STAMBP: variants seen among roughly 807,000 people sequenced by gnomAD.
STAMBP encodes STAM binding protein.
In STAMBP, 31 loss-of-function variants were observed where a neutral mutation model predicts 50.7. The ratio of observed to expected loss-of-function variants is 0.61; its 90% CI spans 0.46 to 0.83. The LOEUF is 0.83. Ranked by LOEUF, STAMBP falls within the 40% of genes least tolerant of loss-of-function variation. The pLI is 0.00. For missense variants in STAMBP, 472 were observed against 518.9 expected (o/e 0.91, Z 0.88); for synonymous variants, 211 against 192.4 (o/e 1.10, Z -0.80).
rs1377842339 is a variant in STAMBP, at chr2:73,829,094, C to G, written c.-429C>G. 1 of 152,306 alleles carries G rather than the reference C, an allele frequency of 6.6e-6. No individual in the cohort carries two copies. Among genetic ancestry groups the G allele is most frequent in the African/African-American group, 2.4e-5 (1 of 41,460 alleles). The allele number at this position is 152,306 out of a possible 1,614,324, so 9.4% of individuals were successfully genotyped here. A position where few individuals can be genotyped will look rare whatever the true frequency, so the allele number is the denominator to read the frequency against. ...CCGTGAGTGTGGGGCCTGCAGCCTA[C>G]TCTCCCCGAGTCCCCTGCCCGGCCT... On this transcript the variant is annotated 5_prime_UTR_variant, in exon 1 of 10. Transcript: ENST00000394070.
At chr2:73,849,759 C>T (rs555064356) in intron 6 of STAMBP, among the ~76,000 whole-genome samples, 10 of 152,204 alleles carry the variant, frequency 6.6e-5, no homozygotes, top group African/African-American at 2.4e-4. Context: ...TTTTTTGGTA[C>T]CTACTTTATG....
Position 73,845,243 on chromosome 2 carries a change from C to A in STAMBP, c.356C>A (p.Thr119Lys). The change falls in exon 4 of 10, where the codon ACA (threonine) becomes AAA (lysine). Residue 119 changes from threonine to lysine, a missense_variant. Physicochemically the swap from Thr to Lys is moderately conservative, Grantham distance 78. Transcript: ENST00000394070. ...TTAAAACGATATACCAAAGAATATACAGAATATAATGAAGAAAAGGTCAGT... is the reference window on the plus strand; with the variant it reads ...TTAAAACGATATACCAAAGAATATAAAGAATATAATGAAGAAAAGGTCAGT... ...ELLKRYTKEY[T>K]EYNEEKKKEA... is the part of the protein sequence containing the mutation. 1.9e-6 allele frequency: 3 copies of A among 1,613,150 alleles called. No individual in the cohort carries two copies. Among genetic ancestry groups the A allele is most frequent in the Non-Finnish European group, 2.5e-6 (3 of 1,179,246 alleles).
At chr2:73,847,032 T>C (rs1179274525) in intron 4 of STAMBP, among the ~76,000 whole-genome samples, 9 of 148,098 alleles carry the variant, frequency 6.1e-5, no homozygotes, top group African/African-American at 2.3e-4. Context: ...CAGTGAGCTG[T>C]GATCATGCCA....
chr2:73,843,479 G>C (rs1310219802), intron 2 of STAMBP, among the ~76,000 whole-genome samples: 5 of 150,178 alleles, frequency 3.3e-5, no homozygotes, highest in African/African-American at 1.2e-4. Flanking sequence ...CTGTTACCCA[G>C]GCTGGTCTTG....
chr2:73,850,283 G>A lies in STAMBP; in HGVS notation c.868-93G>A, dbSNP rs955710167. On this transcript the variant is annotated intron_variant, in intron 6 of 9. Transcript: ENST00000394070. This position sits in a 1 kb window ranked among gnomAD's most constrained non-coding sequence, Gnocchi z 4.3. ...TGCTGTGTGGGAAGGGCTTTCACTT[G>A]TATAGATGCTTACCTTTCCACTGTC... The A allele has an allele frequency of 5.4e-6, 8 of 1,493,188 alleles. No individual in the cohort carries two copies. The highest frequency in any genetic ancestry group is 7.2e-6 in the Non-Finnish European group (8 of 1,112,676). 92.5% of individuals were successfully genotyped at this position (1,493,188 alleles called of 1,614,324 possible). A position where few individuals can be genotyped will look rare whatever the true frequency, so the allele number is the denominator to read the frequency against.
At chr2:73,845,450 A>C (rs1297127793) in intron 4 of STAMBP, among the ~76,000 whole-genome samples, 188 bp downstream of exon 4, 1 of 152,180 alleles carries the variant, frequency 6.6e-6, no homozygotes, top group East Asian at 1.9e-4. Context: ...GATATAGCCT[A>C]TTTGTCGAAG....
downstream of STAMBP, among the ~76,000 whole-genome samples, chr2:73,868,720 C>T (rs969518199): frequency 1.3e-5 from 2 of 151,594 alleles, no homozygotes; most frequent in African/African-American, 4.9e-5. Context: ...CCTGTCTCTA[C>T]AAAAAACTAG....
intron 2 of STAMBP, among the ~76,000 whole-genome samples, chr2:73,840,985 C>A (rs566872735): frequency 6.6e-6 from 1 of 151,992 alleles, no homozygotes; most frequent in African/African-American, 2.4e-5. Context: ...TTTGCCAATC[C>A]GATGGATGAA....
At chr2:73,841,533 A>G (rs954493726) in intron 2 of STAMBP, among the ~76,000 whole-genome samples, 1 of 152,198 alleles carries the variant, frequency 6.6e-6, no homozygotes, top group African/African-American at 2.4e-5. Flanking sequence ...GCCATGTCCA[A>G]CCCTTTGAAT....
chr2:73,844,745 G>A (rs897104871), intron 2 of STAMBP, 68 bp from the exon 3 acceptor site: 22 of 1,340,156 alleles, frequency 1.6e-5, no homozygotes, highest in Middle Eastern at 1.8e-4. Context: ...TAAGGGGGTT[G>A]CATAGCTTTA....
downstream of STAMBP, among the ~76,000 whole-genome samples, chr2:73,868,935 A>G (rs111556872): frequency 6.3e-3 from 955 of 152,314 alleles, 9 homozygotes; most frequent in African/African-American, 0.022. Context: ...TAAATCTTCT[A>G]ATATATAACA....
At chr2:73,871,930 GC>G (rs2104773562), downstream of STAMBP, among the ~76,000 whole-genome samples, 1 of 152,000 alleles carries the variant, frequency 6.6e-6, no homozygotes, top group South Asian at 2.1e-4. Context: ...ACCATGCCTG[GC>G]TAATTTTTGT....
chr2:73,832,463 A>G (rs74860570), intron 2 of STAMBP, among the ~76,000 whole-genome samples: 62 of 150,316 alleles, frequency 4.1e-4, no homozygotes, highest in Non-Finnish European at 1.8e-4. Flanking sequence ...ACTGTTTCAA[A>G]AAAAAAAAAA....
chr2:73,856,941 A>T (rs576346251), intron 7 of STAMBP, among the ~76,000 whole-genome samples: 1 of 152,262 alleles, frequency 6.6e-6, no homozygotes, highest in African/African-American at 2.4e-5. Flanking sequence ...AAGACCCACC[A>T]TACTGATCTC....
intron 9 of STAMBP, 60 bp from the exon 10 acceptor site, chr2:73,862,139 GAAAA>G: frequency 1.4e-5 from 17 of 1,209,066 alleles, no homozygotes; most frequent in East Asian, 5.8e-5. Flanking sequence ...CCTATATGAA[GAAAA>G]AAAAAAAAAA....
chr2:73,832,410 G>A lies in STAMBP; in HGVS notation c.203+1351G>A, dbSNP rs796223527. On this transcript the variant is annotated intron_variant, in intron 2 of 9. Transcript: ENST00000394070. ...GCAGAGGTTGTAGTGAGCCGAGATC[G>A]TGCCACTGCACTCCAGGACTCCAGA... Among the ~76,000 whole-genome samples the A allele has an allele frequency of 6.6e-5, 10 of 150,812 alleles. No individual in the cohort carries two copies. In the East Asian group the frequency reaches 7.8e-4, roughly 12 times the overall value.
downstream of STAMBP, among the ~76,000 whole-genome samples, chr2:73,868,657 G>A (rs1314581293): frequency 3.3e-5 from 5 of 152,120 alleles, no homozygotes; most frequent in African/African-American, 9.7e-5. Context: ...GCTGAGGTGG[G>A]CGGATCACTT....
chr2:73,836,880 C>T (rs1413767428), intron 2 of STAMBP, among the ~76,000 whole-genome samples: 1 of 152,160 alleles, frequency 6.6e-6, no homozygotes, highest in Non-Finnish European at 1.5e-5. Flanking sequence ...TAGGCCTGGC[C>T]TGCTGCCCTG....
intron 7 of STAMBP, among the ~76,000 whole-genome samples, chr2:73,852,703 G>A (rs1012624002): frequency 3.3e-5 from 5 of 152,082 alleles, no homozygotes; most frequent in African/African-American, 1.2e-4. Context: ...TTTTTGAGAC[G>A]GAGTCTCACA....
Sources: allele counts gnomAD v4.1 joint callset (sites outside exome capture counted in the v4.1 genomes callset), GRCh38; gene constraint gnomAD v4.1.1; non-coding constraint Gnocchi (gnomAD v3.1); transcripts MANE v1.5; gene names NCBI Gene and HGNC (gene_info 2026-07-23, HGNC 2026-07-21).